The following SCN3B variants were observed in gnomAD, a reference collection of about 807,000 sequenced individuals.
SCN3B encodes sodium voltage-gated channel beta subunit 3.
In SCN3B, 11 loss-of-function variants were observed where a neutral mutation model predicts 25.4. That is an observed-to-expected ratio of 0.43 (90% CI 0.27 to 0.72). SCN3B has a LOEUF of 0.72. SCN3B is among the 30% of genes least tolerant of loss of function. The pLI, the probability that SCN3B is intolerant of heterozygous loss-of-function variation, is 0.18. For missense variants in SCN3B, 218 were observed against 278.3 expected (o/e 0.78, Z 1.54); for synonymous variants, 109 against 110.7 (o/e 0.99, Z 0.09).
intron 5 of SCN3B, among the ~76,000 whole-genome samples, chr11:123,635,753 A>G (rs968979904): frequency 3.9e-5 from 6 of 152,142 alleles, no homozygotes; most frequent in East Asian, 1.9e-4. Flanking sequence ...ACCTCTTGCA[A>G]ATTTACTGCT....
chr11:123,649,241 G>T (rs1955890199), intron 2 of SCN3B, among the ~76,000 whole-genome samples: 1 of 152,250 alleles, frequency 6.6e-6, no homozygotes, highest in Non-Finnish European at 1.5e-5. Context: ...TGGGATGGCA[G>T]AGATAGAAGC....
chr11:123,639,119 CG>C (rs1294700630), intron 4 of SCN3B: 1 of 152,390 alleles, frequency 6.6e-6, no homozygotes, highest in Admixed American at 6.5e-5. Flanking sequence ...CTTCACAATC[CG>C]GGCTTTCTCA....
Position 123,642,181 on chromosome 11 carries a change from C to T in SCN3B, c.445+265G>A, listed in dbSNP as rs934417692. 9.9e-5 allele frequency among the ~76,000 whole-genome samples: 15 copies of T among 152,194 alleles called. No individual in the cohort carries two copies. The highest frequency in any genetic ancestry group is 8.8e-5 in the Non-Finnish European group (6 of 68,030). The stretch of plus-strand genomic sequence containing the variant: ...AGGCCTCATGGAGGCTAGCCTCTTT[C>T]TCTAAGGGACCAGGAAGAGCTCATT... On this transcript the variant is annotated intron_variant, in intron 4 of 6. Transcript: ENST00000299333. This position sits in a 1 kb window ranked among gnomAD's most constrained non-coding sequence, Gnocchi z 4.3.
At position 123,633,671 on chromosome 11, in the gene SCN3B, G is replaced by C. The variant is rs560519134; in HGVS notation, c.*128C>G. 4.3e-4 allele frequency: 116 copies of C among 271,036 alleles called. No homozygotes were observed. The South Asian group carries it at 5.0e-3, about 12-fold the overall frequency. The allele number at this position is 271,036 out of a possible 1,614,324, so 16.8% of individuals were successfully genotyped here. Reference sequence around the variant, plus strand: ...GGATGTATGGATGAATGAATGAACAGAACAATGGATGCATGAAGGGAAGCG... The same window carrying C: ...GGATGTATGGATGAATGAATGAACACAACAATGGATGCATGAAGGGAAGCG... On this transcript the variant is annotated 3_prime_UTR_variant, in exon 7 of 7. Coordinates refer to ENST00000299333, the MANE Select transcript of SCN3B (RefSeq NM_001040151.2).
At chr11:123,644,780 AGAGAGAGAGAGAGAGAGAGAAT>A (rs1955828181) in intron 3 of SCN3B, among the ~76,000 whole-genome samples, 1 of 93,094 alleles carries the variant, frequency 1.1e-5, no homozygotes, top group Non-Finnish European at 2.1e-5. Context: ...AGAGAGAGAG[AGAGAGAGAGAGAGAGAGAGAAT>A]ATATATATAT....
intron 5 of SCN3B, among the ~76,000 whole-genome samples, chr11:123,636,556 T>C (rs79506361): frequency 0.075 from 11,370 of 152,204 alleles, 558 homozygotes; most frequent in East Asian, 0.22. Flanking sequence ...TTTATCACTT[T>C]AAAGATGCTT....
intron 3 of SCN3B, among the ~76,000 whole-genome samples, chr11:123,643,856 C>T (rs575037168): frequency 3.3e-5 from 5 of 152,358 alleles, no homozygotes; most frequent in East Asian, 1.9e-4. Context: ...GCTTCATTGA[C>T]GTGTCACTGT....
Position 123,641,948 on chromosome 11 carries a change from G to A in SCN3B, c.445+498C>T, listed in dbSNP as rs12274279. Among the ~76,000 whole-genome samples the A allele has an allele frequency of 4.8e-3, 726 of 152,304 alleles. 2 individuals are homozygous for A. The highest frequency in any genetic ancestry group is 0.016 in the African/African-American group (681 of 41,576). On this transcript the variant is annotated intron_variant, in intron 4 of 6. Transcript: ENST00000299333. ...GCAGTGCAAACTCTCAGGCTCCACC[G>A]ACAAAAGCAGAAAGGCTGGCTTCCA...
At chr11:123,638,069 AAGC>A in intron 5 of SCN3B, 114 bp downstream of exon 5, 1 of 1,230,756 alleles carries the variant, frequency 8.1e-7, no homozygotes, top group East Asian at 2.5e-5. Flanking sequence ...CCTATCTCTT[AAGC>A]AGTGATCATG....
chr11:123,643,393 T>C (rs540781593), intron 3 of SCN3B, among the ~76,000 whole-genome samples: 1 of 152,394 alleles, frequency 6.6e-6, no homozygotes, highest in East Asian at 1.9e-4. Flanking sequence ...GCCAAACTCA[T>C]TTCTGACTCT....
In SCN3B at chr11:123,642,798, C is replaced by T. The variant is rs1783901; in HGVS notation, c.220-127G>A. 0.2 allele frequency: 148,869 copies of T among 749,458 alleles called. 16,277 individuals are homozygous for T. The highest frequency in any genetic ancestry group is 0.34 in the African/African-American group (19,804 of 57,894). 46.4% of individuals were successfully genotyped at this position (749,458 alleles called of 1,614,324 possible). On this transcript the variant is annotated intron_variant, in intron 3 of 6. Transcript: ENST00000299333. This position sits in a 1 kb window ranked among gnomAD's most constrained non-coding sequence, Gnocchi z 4.3. ...TGGACAGGGAAGAGAGGGGACAATG[C>T]CACCGGGAGACCCAGAATGTGGGGG...
At position 123,642,658 on chromosome 11, in the gene SCN3B, C is replaced by A; in HGVS notation, c.233G>T (p.Arg78Leu). Residue 78 changes from arginine (R) to leucine (L), a missense_variant, in exon 4 of 7, where the codon CGG becomes CTG. By Grantham distance (102) the Arg-to-Leu change is moderately radical (BLOSUM62 -2). Coordinates refer to ENST00000299333, the MANE Select transcript of SCN3B (RefSeq NM_001040151.2). The surrounding 1 kb of genome is among the most constrained non-coding windows in gnomAD (Gnocchi z 4.3). ...GCTCTCCACCTCCTGGTGGCCATTC[C>A]GATACTCGTAAATCTGCAGATAGAG... ...GGKDFLIYEY[R>L]NGHQEVESPF... 6.2e-7 allele frequency: 1 copy of A among 1,613,884 alleles called. No individual in the cohort carries two copies. The highest frequency in any genetic ancestry group is 8.5e-7 in the Non-Finnish European group (1 of 1,179,900).
At chr11:123,645,485 G>C in intron 3 of SCN3B, 102 bp downstream of exon 3, 3 of 1,152,680 alleles carry the variant, frequency 2.6e-6, no homozygotes, top group East Asian at 2.3e-5. Context: ...GGAAGAGAAG[G>C]AGCCAGTGTT....
At chr11:123,639,851 ATTATC>A (rs1955767536) in intron 4 of SCN3B, 1 of 152,346 alleles carries the variant, frequency 6.6e-6, no homozygotes, top group South Asian at 2.1e-4. Flanking sequence ...GAAAATAAAT[ATTATC>A]TTATTTGTTT....
intron 2 of SCN3B, among the ~76,000 whole-genome samples, chr11:123,648,569 A>T (rs1167994703): frequency 6.6e-6 from 1 of 152,194 alleles, no homozygotes; most frequent in Non-Finnish European, 1.5e-5. Context: ...GGAAAACAGC[A>T]ACATTAAATA....
intron 2 of SCN3B, among the ~76,000 whole-genome samples, chr11:123,646,707 C>T (rs1349205094): frequency 6.6e-6 from 1 of 152,164 alleles, no homozygotes; most frequent in Non-Finnish European, 1.5e-5. Flanking sequence ...AGTATATCAG[C>T]TTGATAATTC....
rs587777556 is a variant in SCN3B at position 123,642,502 on chromosome 11, G to A, written c.389C>T (p.Ala130Val). The stretch of plus-strand genomic sequence containing the variant: ...CGTCGTCTTCACAAAGGGCCGATGC[G>A]CCTCAAACTCAAACTCCCGGGACAC... ...CNVSREFEFE[A>V]HRPFVKTTRL... The change falls in exon 4 of 7, where the codon GCG (alanine) becomes GTG (valine). Residue 130 changes from alanine to valine, a missense_variant. By Grantham distance (64) the Ala-to-Val change is moderately conservative. Transcript: ENST00000299333. This position sits in a 1 kb window ranked among gnomAD's most constrained non-coding sequence, Gnocchi z 4.3. The A allele has an allele frequency of 1.8e-5, 29 of 1,614,036 alleles. 1 individual carries two copies. The highest frequency in any genetic ancestry group is 4.4e-5 in the South Asian group (4 of 91,086).
chr11:123,646,530 G>A (rs775153864), intron 2 of SCN3B, among the ~76,000 whole-genome samples: 2 of 152,188 alleles, frequency 1.3e-5, no homozygotes, highest in Admixed American at 6.5e-5. Context: ...AGAAAATGGC[G>A]AGCGGACCAC....
rs560799000 is a variant in SCN3B at position 123,630,921 on chromosome 11, C to A, written c.*2878G>T. ...GAGAACTGAAAGAGGAGTCAGAAGA[C>A]CTGGATTCTTGCTGTCTACCTACCA... On this transcript the variant is annotated 3_prime_UTR_variant, in exon 7 of 7. Coordinates refer to ENST00000299333, the MANE Select transcript of SCN3B (RefSeq NM_001040151.2). 2 of 152,276 alleles carry A rather than the reference C, an allele frequency of 1.3e-5. No individual in the cohort carries two copies. Among genetic ancestry groups the A allele is most frequent in the East Asian group, 1.9e-4 (1 of 5,178 alleles). 9.4% of individuals were successfully genotyped at this position (152,276 alleles called of 1,614,324 possible).
Sources: allele counts gnomAD v4.1 joint callset (sites outside exome capture counted in the v4.1 genomes callset), GRCh38; gene constraint gnomAD v4.1.1; non-coding constraint Gnocchi (gnomAD v3.1); transcripts MANE v1.5; gene names NCBI Gene and HGNC (gene_info 2026-07-23, HGNC 2026-07-21).